CREM: variants seen among roughly 807,000 people sequenced by gnomAD.
The protein encoded by CREM is cAMP-responsive element modulator.
In CREM, 13 loss-of-function variants were observed where a neutral mutation model predicts 37.3. The observed-to-expected ratio is 0.35, with a 90% CI of 0.23 to 0.55. The LOEUF (loss-of-function observed/expected upper bound fraction) is 0.55, where lower values mean the gene tolerates loss of function less well. CREM is among the 20% of genes least tolerant of loss of function. CREM has a pLI of 0.88. For synonymous variants in CREM, 124 were observed against 120.2 expected, an observed-to-expected ratio of 1.03 and a Z score of -0.21; for missense variants, 296 against 362.3, an observed-to-expected ratio of 0.82 and a Z score of 1.49.
intron 1 of CREM, among the ~76,000 whole-genome samples, chr10:35,132,674 A>AT (rs1363231626): frequency 6.6e-6 from 1 of 152,262 alleles, no homozygotes; most frequent in African/African-American, 2.4e-5. Flanking sequence ...CATAAAGAGT[A>AT]TAAGACCAAT....
At chr10:35,127,424 C>A (rs2088046756) in intron 1 of CREM, 1 of 152,052 alleles carries the variant, frequency 6.6e-6, no homozygotes, top group African/African-American at 2.4e-5. Context: ...GCCGGCTCGC[C>A]GCCCCACGCC....
intron 7 of CREM, chr10:35,209,295 T>C: frequency 2.0e-6 from 2 of 985,284 alleles, no homozygotes; most frequent in Non-Finnish European, 2.4e-6. Flanking sequence ...CCAGCAACAG[T>C]TTTTATTTCT....
At position 35,206,953 on chromosome 10, in the gene CREM, G is replaced by T. The variant is rs765312444; in HGVS notation, c.657G>T (p.Gln219His). ...QIRAPTAALP[Q>H]GVVMAASPGS... ...GAGCTCCTACTGCTGCTTTGCCACA[G>T]GGAGTGGTGATGGCTGCATCGCCCG... The change falls in exon 7 of 8, where the codon CAG becomes CAT. Residue 219 changes from glutamine to histidine, a missense_variant. Physicochemically the swap from Gln to His is conservative, Grantham distance 24 (BLOSUM62 0). Around this residue, in one of 2 missense-constraint regions of CREM, gnomAD observed 257 missense variants for 280.2 expected, o/e 0.92. Transcript: ENST00000685392. 3 of 1,613,932 alleles carry T rather than the reference G, an allele frequency of 1.9e-6. No homozygotes were observed. In the African/African-American group the frequency reaches 4.0e-5, roughly 22 times the overall value.
intron 2 of CREM, among the ~76,000 whole-genome samples, chr10:35,140,667 T>A (rs1360244456): frequency 2.0e-5 from 3 of 152,204 alleles, no homozygotes; most frequent in East Asian, 1.9e-4. Context: ...GACTTGTAAA[T>A]GCTTTGGGAA....
intron 6 of CREM, 176 bp downstream of exon 6, chr10:35,188,564 T>TA (rs1285361324): frequency 4.0e-6 from 2 of 501,684 alleles, no homozygotes; most frequent in African/African-American, 4.0e-5. Flanking sequence ...AATTAAGTTT[T>TA]ATCATTTTTC....
chr10:35,142,075 A>G (rs2091510255), intron 2 of CREM, among the ~76,000 whole-genome samples: 2 of 152,188 alleles, frequency 1.3e-5, no homozygotes, highest in Admixed American at 1.3e-4. Context: ...GGGGGTATCT[A>G]GGAGTATGTG....
intron 6 of CREM, among the ~76,000 whole-genome samples, chr10:35,194,841 A>G (rs10128529): frequency 0.031 from 4,670 of 151,998 alleles, 244 homozygotes; most frequent in African/African-American, 0.11. Context: ...CTTGGACACA[A>G]CAATAATAAA....
At chr10:35,158,481 G>A (rs1289376779) in intron 3 of CREM, 3 of 227,816 alleles carry the variant, frequency 1.3e-5, no homozygotes, top group African/African-American at 2.4e-5. Context: ...CAAGGCGAAC[G>A]AAGCTGAAGC....
intron 7 of CREM, 25 bp from the exon 8 acceptor site, chr10:35,211,229 G>A: frequency 6.2e-7 from 1 of 1,607,672 alleles, no homozygotes; most frequent in East Asian, 2.2e-5. Flanking sequence ...TGTTCCTGTA[G>A]TCATTTGCCT....
chr10:35,132,182 T>A (rs1390233700), intron 1 of CREM, among the ~76,000 whole-genome samples: 1 of 129,386 alleles, frequency 7.7e-6, no homozygotes, highest in Non-Finnish European at 1.6e-5. Context: ...TCCTGGGTGA[T>A]AGAGCGAGAC....
intron 3 of CREM, among the ~76,000 whole-genome samples, chr10:35,164,508 A>C (rs2093443506): frequency 6.6e-6 from 1 of 152,222 alleles, no homozygotes; most frequent in Non-Finnish European, 1.5e-5. Context: ...ATGCTTCTTA[A>C]TTTAGGTACT....
chr10:35,170,431 G>A (rs1013125209), intron 3 of CREM, among the ~76,000 whole-genome samples: 1 of 152,178 alleles, frequency 6.6e-6, no homozygotes, highest in Non-Finnish European at 1.5e-5. Context: ...AGTTAGGGAG[G>A]ATTCCCTGTT....
intron 3 of CREM, among the ~76,000 whole-genome samples, chr10:35,156,369 C>G (rs1295090871): frequency 6.6e-6 from 1 of 152,092 alleles, no homozygotes; most frequent in African/African-American, 2.4e-5. Context: ...CTGCCTCAGT[C>G]TCCTGGAGTA....
chr10:35,175,958 C>T, intron 3 of CREM: 1 of 1,551,328 alleles, frequency 6.4e-7, no homozygotes, highest in Non-Finnish European at 8.7e-7. Flanking sequence ...TCAGACACCA[C>T]AGCCATGGGT....
At chr10:35,191,214 A>G (rs2094905857) in intron 6 of CREM, among the ~76,000 whole-genome samples, 1 of 151,706 alleles carries the variant, frequency 6.6e-6, no homozygotes. Flanking sequence ...TTGCCATTAC[A>G]ATGGTACCTT....
intron 3 of CREM, among the ~76,000 whole-genome samples, chr10:35,155,005 A>T (rs558057755): frequency 3.6e-4 from 55 of 152,138 alleles, no homozygotes; most frequent in Non-Finnish European, 6.9e-4. Context: ...TTTTCATCCC[A>T]GTAGTGTATT....
chr10:35,186,400 A>G (rs1411413340), intron 5 of CREM, among the ~76,000 whole-genome samples: 2 of 151,980 alleles, frequency 1.3e-5, no homozygotes, highest in African/African-American at 2.4e-5. Flanking sequence ...AAGGAAATCT[A>G]CTTCCTATTT....
chr10:35,154,693 T>C (rs2092791122), intron 3 of CREM: 1 of 152,162 alleles, frequency 6.6e-6, no homozygotes, highest in African/African-American at 2.4e-5. Flanking sequence ...GAACAAAGGA[T>C]GGAAGAAAAA....
In CREM at chr10:35,178,952, C is replaced by T. The variant is rs201032782; in HGVS notation, c.232C>T (p.Arg78Cys). ...AGAAGGTGTAATTGATTCTCATAAA[C>T]GTAGAGAAATCCTTTCACGAAGACC... ...ESEGVIDSHK[R>C]REILSRRPSY... is the part of the protein sequence containing the mutation. The change falls in exon 4 of 8, where the codon CGT becomes TGT. Residue 78 changes from arginine to cysteine, a missense_variant. Coordinates refer to ENST00000685392, the MANE Select transcript of CREM (RefSeq NM_183011.2). The T allele has an allele frequency of 1.1e-5, 17 of 1,612,960 alleles. No individual in the cohort carries two copies. Among genetic ancestry groups the T allele is most frequent in the African/African-American group, 4.0e-5 (3 of 74,986 alleles).
Sources: gnomAD v4.1 joint callset for allele counts (sites outside exome capture counted in the v4.1 genomes callset) on GRCh38, gnomAD v4.1.1 for gene constraint, gnomAD v4.1.1 regional missense constraint, MANE v1.5 for transcripts, NCBI Gene and HGNC (gene_info 2026-07-23, HGNC 2026-07-21) for gene names.